Variants in GPC5 observed in about 807,000 individuals in gnomAD.
GPC5 encodes glypican 5, also known as glypican-5.
GPC5 carries 47 observed loss-of-function variants against 53.9 expected under a neutral mutation model. The ratio of observed to expected loss-of-function variants is 0.87; its 90% CI spans 0.69 to 1.11. The LOEUF (loss-of-function observed/expected upper bound fraction) is 1.11, where lower values mean the gene tolerates loss of function less well. Among genes scored for constraint, GPC5 ranks in the 50% most tolerant of loss-of-function variants. GPC5 has a pLI of 0.00. For synonymous variants in GPC5, 286 were observed against 263.3 expected (o/e 1.09, Z -0.84); for missense variants, 748 against 713.1 (o/e 1.05, Z -0.56).
intron 7 of GPC5, among the ~76,000 whole-genome samples, chr13:92,470,839 C>G (rs1003760939): frequency 6.6e-6 from 1 of 152,146 alleles, no homozygotes; most frequent in South Asian, 2.1e-4. Flanking sequence ...ACTTTGCTTG[C>G]CCCTCTAGAT....
At chr13:92,303,975 G>A (rs35661625) in intron 7 of GPC5, among the ~76,000 whole-genome samples, 1,535 of 152,198 alleles carry the variant, frequency 0.01, 27 homozygotes, top group Middle Eastern at 0.048. Flanking sequence ...AACATGCTAA[G>A]GTAGCATCTA....
chr13:92,843,431 A>G (rs966634123), intron 7 of GPC5, among the ~76,000 whole-genome samples: 2 of 152,228 alleles, frequency 1.3e-5, no homozygotes, highest in Non-Finnish European at 2.9e-5. Flanking sequence ...CAATAAGGTC[A>G]GTGAGAGCAA....
chr13:92,213,228 G>C (rs773840214), intron 7 of GPC5, among the ~76,000 whole-genome samples: 3 of 152,098 alleles, frequency 2.0e-5, no homozygotes, highest in Non-Finnish European at 4.4e-5. Flanking sequence ...AATGTAAATT[G>C]TACATTTTCA....
At chr13:92,622,045 C>G (rs1017682614) in intron 7 of GPC5, among the ~76,000 whole-genome samples, 1 of 152,152 alleles carries the variant, frequency 6.6e-6, no homozygotes, top group Non-Finnish European at 1.5e-5. Context: ...CCTCCATGTC[C>G]ATTCTCTATC....
intron 7 of GPC5, among the ~76,000 whole-genome samples, chr13:92,546,801 T>C (rs1882132817): frequency 6.6e-6 from 1 of 152,188 alleles, no homozygotes; most frequent in Non-Finnish European, 1.5e-5. Context: ...AACAGCATGG[T>C]ACTGCTACCA....
Position 91,868,328 on chromosome 13 carries a change from A to G in GPC5, c.1281-39609A>G, listed in dbSNP as rs992107097. On this transcript the variant is annotated intron_variant, in intron 5 of 7. Coordinates refer to ENST00000377067, the MANE Select transcript of GPC5 (RefSeq NM_004466.6). ...CATATGGTTGGACAACATAAAGATTATTGGAGACTTTGGAAAGTGTCAATT... is the reference window on the plus strand; with the variant it reads ...CATATGGTTGGACAACATAAAGATTGTTGGAGACTTTGGAAAGTGTCAATT... Among the ~76,000 whole-genome samples the G allele has an allele frequency of 1.2e-4, 18 of 152,314 alleles. 1 individual carries two copies. The highest frequency in any genetic ancestry group is 9.8e-4 in the Admixed American group (15 of 15,292).
rs114200526 is a variant in GPC5, at chr13:92,171,147, C to T, written c.1561+26158C>T. ...ATATCTGCCTCCATTCCTGCTCACC[C>T]CCTTCCTCTTTTCCTTTTGCTGGGT... On this transcript the variant is annotated intron_variant, in intron 7 of 7. Transcript: ENST00000377067. 4.9e-3 allele frequency among the ~76,000 whole-genome samples: 739 copies of T among 152,186 alleles called. 10 individuals are homozygous for T. The highest frequency in any genetic ancestry group is 0.016 in the African/African-American group (666 of 41,528).
In GPC5 at chr13:92,280,805, T is replaced by G. The variant is rs192688345; in HGVS notation, c.1561+135816T>G. ...GCCTAATAGGAACAGCTCCAGTCTA[T>G]AGCTCCCAGTGTGAGTGACACAGAA... On this transcript the variant is annotated intron_variant, in intron 7 of 7. Transcript: ENST00000377067. Among the ~76,000 whole-genome samples, 884 of 152,248 alleles carry G rather than the reference T, an allele frequency of 5.8e-3. 9 individuals carry two copies. The highest frequency in any genetic ancestry group is 0.02 in the African/African-American group (829 of 41,550).
intron 7 of GPC5, among the ~76,000 whole-genome samples, chr13:92,730,104 C>A (rs1442374391): frequency 2.0e-5 from 3 of 151,332 alleles, no homozygotes; most frequent in Non-Finnish European, 3.0e-5. Context: ...CTTGGTACTT[C>A]TGGAGTCCTA....
intron 2 of GPC5, among the ~76,000 whole-genome samples, chr13:91,604,377 A>G (rs2033286222): frequency 6.6e-6 from 1 of 151,220 alleles, no homozygotes; most frequent in Non-Finnish European, 1.5e-5. Context: ...GTTGGTTCCA[A>G]GTCTTTGCTA....
At chr13:91,459,897 A>G (rs545888080) in intron 2 of GPC5, among the ~76,000 whole-genome samples, 9 of 152,294 alleles carry the variant, frequency 5.9e-5, no homozygotes, top group African/African-American at 2.2e-4. Context: ...GCCAATATTT[A>G]GCATAATTTA....
At chr13:92,459,325 C>T (rs1322518335) in intron 7 of GPC5, among the ~76,000 whole-genome samples, 1 of 152,128 alleles carries the variant, frequency 6.6e-6, no homozygotes, top group East Asian at 1.9e-4. Context: ...GTGACTAGGG[C>T]TCGTGAGATG....
intron 7 of GPC5, among the ~76,000 whole-genome samples, chr13:92,675,319 T>C (rs1178311656): frequency 6.6e-6 from 1 of 152,196 alleles, no homozygotes; most frequent in Non-Finnish European, 1.5e-5. Flanking sequence ...GCAATTTTCC[T>C]CAACACTTAA....
chr13:91,653,136 G>T (rs944492397), intron 2 of GPC5, among the ~76,000 whole-genome samples: 10 of 152,268 alleles, frequency 6.6e-5, no homozygotes, highest in South Asian at 6.2e-4. Context: ...ACAAAAAGAT[G>T]ACAACTCCAG....
chr13:91,685,139 C>A (rs940189345), intron 2 of GPC5, among the ~76,000 whole-genome samples: 20 of 152,058 alleles, frequency 1.3e-4, no homozygotes, highest in African/African-American at 4.8e-4. Context: ...AACAAACAAA[C>A]AAACAAACAA....
At chr13:91,857,466 T>G (rs559399161) in intron 5 of GPC5, among the ~76,000 whole-genome samples, 109 of 151,580 alleles carry the variant, frequency 7.2e-4, no homozygotes, top group African/African-American at 2.5e-3. Context: ...CAAATATAAT[T>G]TTAAAAGAAA....
At chr13:91,932,496 G>T (rs2039831161) in intron 6 of GPC5, among the ~76,000 whole-genome samples, 1 of 152,026 alleles carries the variant, frequency 6.6e-6, no homozygotes, top group South Asian at 2.1e-4. Flanking sequence ...TTCCAAAGCA[G>T]GCCCTCAAGC....
intron 7 of GPC5, among the ~76,000 whole-genome samples, chr13:92,158,433 T>C (rs1355848150): frequency 2.0e-5 from 3 of 152,160 alleles, no homozygotes; most frequent in African/African-American, 7.2e-5. Context: ...AGATAACAGT[T>C]AGCTCTAGGT....
intron 2 of GPC5, among the ~76,000 whole-genome samples, chr13:91,549,267 T>TAAA (rs35941677): frequency 3.7e-4 from 54 of 144,918 alleles, no homozygotes; most frequent in Non-Finnish European, 3.6e-4. Flanking sequence ...AAGATTCCAT[T>TAAA]AAAAAAAAAA....
Sources: allele counts gnomAD v4.1 joint callset (sites outside exome capture counted in the v4.1 genomes callset), GRCh38; gene constraint gnomAD v4.1.1; transcripts MANE v1.5; gene names NCBI Gene and HGNC (gene_info 2026-07-23, HGNC 2026-07-21).